The following EHMT1 variants were observed in gnomAD, a reference collection of about 807,000 sequenced individuals.
The protein encoded by EHMT1 is euchromatic histone lysine methyltransferase 1, also known as histone-lysine N-methyltransferase EHMT1.
In EHMT1, 15 loss-of-function variants were observed where a neutral mutation model predicts 147.2. The ratio of observed to expected loss-of-function variants is 0.10; its 90% CI spans 0.07 to 0.16. The LOEUF (loss-of-function observed/expected upper bound fraction) is 0.16, where lower values mean the gene tolerates loss of function less well. Ranked by LOEUF, EHMT1 falls within the 10% of genes least tolerant of loss-of-function variation. The probability of loss-of-function intolerance (pLI) is 1.00; values close to 1 mark genes in which losing one functional copy is unlikely to be tolerated. For synonymous variants in EHMT1, 795 were observed against 709.6 expected (o/e 1.12, Z -1.91); for missense variants, 1,587 against 1,772.4 (o/e 0.90, Z 1.88).
In EHMT1 at chr9:137,805,396, C is replaced by G. The variant is rs559730336; in HGVS notation, c.2712+4412C>G. Among the ~76,000 whole-genome samples the G allele has an allele frequency of 2.6e-5, 4 of 152,288 alleles. No individual in the cohort carries two copies. In the South Asian group the frequency reaches 8.3e-4, roughly 32 times the overall value. ...TCCGCATGTGTGAGCCAGTCGTCCA[C>G]ATGTCAGAGTCAGTTGTCCACATGT... On this transcript the variant is annotated intron_variant, in intron 18 of 26. Coordinates refer to ENST00000460843, the MANE Select transcript of EHMT1 (RefSeq NM_024757.5).
At chr9:137,666,589 G>A (rs1939680107) in intron 1 of EHMT1, among the ~76,000 whole-genome samples, 1 of 152,238 alleles carries the variant, frequency 6.6e-6, no homozygotes, top group South Asian at 2.1e-4. Context: ...TCTTTGCCAT[G>A]CAGGCTGCAG....
intron 16 of EHMT1, among the ~76,000 whole-genome samples, chr9:137,795,446 C>CTCACAT (rs1379034838): frequency 4.6e-5 from 7 of 150,684 alleles, no homozygotes; most frequent in South Asian, 4.2e-4. Flanking sequence ...CTCACATACA[C>CTCACAT]ACACAGACAC....
chr9:137,801,477 G>A (rs1432479059), intron 18 of EHMT1, among the ~76,000 whole-genome samples: 7 of 151,800 alleles, frequency 4.6e-5, no homozygotes, highest in East Asian at 1.9e-4. Flanking sequence ...GTGTGCCACC[G>A]TGTCTGGCTA....
At chr9:137,635,417 A>G (rs998157974) in intron 1 of EHMT1, among the ~76,000 whole-genome samples, 2 of 151,226 alleles carry the variant, frequency 1.3e-5, no homozygotes, top group Non-Finnish European at 2.9e-5. Context: ...GAGTTTCACC[A>G]TGTTGGACAG....
At position 137,761,242 on chromosome 9, in the gene EHMT1, G is replaced by T. The variant is rs948026393; in HGVS notation, c.1502-1433G>T. Among the ~76,000 whole-genome samples, 4 of 152,336 alleles carry T rather than the reference G, an allele frequency of 2.6e-5. No homozygotes were observed. In the South Asian group the frequency reaches 8.3e-4, roughly 32 times the overall value. The stretch of plus-strand genomic sequence containing the variant: ...CTGCTGGAAAGTCCCTAGTTCTAGA[G>T]ATTGGTTGGCTGCTTCTGAATGGTA... On this transcript the variant is annotated intron_variant, in intron 9 of 26. Coordinates refer to ENST00000460843, the MANE Select transcript of EHMT1 (RefSeq NM_024757.5).
chr9:137,730,541 T>C (rs1947017442), intron 4 of EHMT1, among the ~76,000 whole-genome samples: 1 of 152,208 alleles, frequency 6.6e-6, no homozygotes, highest in African/African-American at 2.4e-5. Flanking sequence ...TCCTCCTGAC[T>C]TGGCCTCCCA....
At chr9:137,760,823 C>A (rs866221420) in intron 9 of EHMT1, among the ~76,000 whole-genome samples, 20 of 152,292 alleles carry the variant, frequency 1.3e-4, no homozygotes, top group Middle Eastern at 3.4e-3. Context: ...TCCTGGCTAA[C>A]ACAGTGAAAC....
chr9:137,761,320 G>A (rs1949794401), intron 9 of EHMT1, among the ~76,000 whole-genome samples: 2 of 152,208 alleles, frequency 1.3e-5, no homozygotes, highest in South Asian at 2.1e-4. Context: ...AGTAGCCCAA[G>A]ATATCCTTTG....
intron 1 of EHMT1, chr9:137,680,786 A>G (rs116328266): frequency 6.6e-6 from 1 of 152,306 alleles, no homozygotes; most frequent in East Asian, 1.9e-4. Context: ...TGCTCCCCAC[A>G]CCACACTGGG....
intron 10 of EHMT1, among the ~76,000 whole-genome samples, chr9:137,774,741 C>G (rs1588639821): frequency 7.5e-6 from 1 of 133,506 alleles, no homozygotes; most frequent in Non-Finnish European, 1.6e-5. Context: ...CGCCTGGCCC[C>G]CTGGATCTGG....
chr9:137,725,264 G>A (rs3125781), intron 3 of EHMT1, among the ~76,000 whole-genome samples: 16,927 of 150,078 alleles, frequency 0.11, 2,985 homozygotes, highest in African/African-American at 0.38. Flanking sequence ...TGTGGCCTTC[G>A]TGTGGCATTC....
Position 137,834,582 on chromosome 9 carries a change from G to C in EHMT1, c.3716+58G>C. 4 of 1,604,610 alleles carry C rather than the reference G, an allele frequency of 2.5e-6. No individual in the cohort carries two copies. The South Asian group carries it at 3.3e-5, about 13-fold the overall frequency. On this transcript the variant is annotated intron_variant, in intron 26 of 26. Coordinates refer to ENST00000460843, the MANE Select transcript of EHMT1 (RefSeq NM_024757.5). ...CTGCCGGCGGGACGGTTTTAGGAAC[G>C]GGGCTCGCATTGCTTTCCTGGGCTT...
At chr9:137,730,809 G>A (rs938608392) in intron 4 of EHMT1, among the ~76,000 whole-genome samples, 1 of 152,236 alleles carries the variant, frequency 6.6e-6, no homozygotes, top group Non-Finnish European at 1.5e-5. Context: ...CCTTCCCAGG[G>A]CCGGAATCGG....
chr9:137,766,795 G>T (rs1409673492), intron 10 of EHMT1, among the ~76,000 whole-genome samples: 3 of 152,108 alleles, frequency 2.0e-5, no homozygotes, highest in Non-Finnish European at 2.9e-5. Context: ...ACAGCATGTA[G>T]TTGGATTTGC....
chr9:137,829,765 C>T (rs1459906842), intron 25 of EHMT1, among the ~76,000 whole-genome samples: 1 of 152,362 alleles, frequency 6.6e-6, no homozygotes, highest in South Asian at 2.1e-4. Context: ...CTCACTTGTT[C>T]TCTTATCCCG....
chr9:137,710,762 C>T (rs1285303147), intron 1 of EHMT1, among the ~76,000 whole-genome samples: 4 of 152,136 alleles, frequency 2.6e-5, no homozygotes, highest in Admixed American at 6.5e-5. Context: ...AATAGAAATA[C>T]AGGAGAAGTT....
At chr9:137,755,756 G>A (rs775027224) in intron 8 of EHMT1, among the ~76,000 whole-genome samples, 2 of 152,186 alleles carry the variant, frequency 1.3e-5, no homozygotes, top group Non-Finnish European at 2.9e-5. Context: ...TAATTCCAGT[G>A]GATCTGTGGG....
In EHMT1 at chr9:137,701,315, A is replaced by T. The variant is rs1307162299; in HGVS notation, c.22-9652A>T. 1.4e-4 allele frequency among the ~76,000 whole-genome samples: 21 copies of T among 146,460 alleles called. No individual in the cohort carries two copies. The South Asian group carries it at 3.9e-3, about 27-fold the overall frequency. ...TTGTTTTTTTTTGAGACAGAGTCTC[A>T]CTCTGTCACCTAGGCTGGAGTGCAA... On this transcript the variant is annotated intron_variant, in intron 1 of 26. Coordinates refer to ENST00000460843, the MANE Select transcript of EHMT1 (RefSeq NM_024757.5).
Position 137,743,356 on chromosome 9 carries a change from T to G in EHMT1, c.824-15T>G. Reference sequence around the variant, plus strand: ...TCCTTTCTTGTCCCCTTTTGACTTTTTTTTTTTTTTTTAGCTTGCTTGCCT... The same window carrying G: ...TCCTTTCTTGTCCCCTTTTGACTTTGTTTTTTTTTTTTAGCTTGCTTGCCT... On this transcript the variant is annotated splice_polypyrimidine_tract_variant and intron_variant, in intron 4 of 26. Coordinates refer to ENST00000460843, the MANE Select transcript of EHMT1 (RefSeq NM_024757.5). 6.7e-7 allele frequency: 1 copy of G among 1,493,848 alleles called. No homozygotes were observed. Among genetic ancestry groups the G allele is most frequent in the South Asian group, 1.2e-5 (1 of 82,886 alleles). The allele number at this position is 1,493,848 out of a possible 1,614,324, so 92.5% of individuals were successfully genotyped here. A position where few individuals can be genotyped will look rare whatever the true frequency, so the allele number is the denominator to read the frequency against.
Sources: allele counts gnomAD v4.1 joint callset (sites outside exome capture counted in the v4.1 genomes callset), GRCh38; gene constraint gnomAD v4.1.1; transcripts MANE v1.5; gene names NCBI Gene and HGNC (gene_info 2026-07-23, HGNC 2026-07-21).